STXBP5L: variants seen among roughly 807,000 people sequenced by gnomAD.
The protein encoded by STXBP5L is syntaxin-binding protein 5-like.
STXBP5L carries 65 observed loss-of-function variants against 144.5 expected under a neutral mutation model. The observed-to-expected ratio is 0.45, with a 90% confidence interval of 0.37 to 0.55. The LOEUF (loss-of-function observed/expected upper bound fraction) is 0.55, where lower values mean the gene tolerates loss of function less well. STXBP5L is among the 20% of genes least tolerant of loss of function. The pLI is 0.00. For synonymous variants in STXBP5L, 505 were observed against 469.6 expected (o/e 1.08, Z -0.97); for missense variants, 1,298 against 1,405.5 (o/e 0.92, Z 1.22).
intron 3 of STXBP5L, among the ~76,000 whole-genome samples, chr3:120,982,194 G>A (rs761025702): frequency 3.9e-5 from 6 of 152,162 alleles, no homozygotes; most frequent in African/African-American, 1.4e-4. Context: ...AGATGGGTAT[G>A]GGCTTGATCT....
chr3:120,924,393 A>C (rs908860798), intron 2 of STXBP5L, among the ~76,000 whole-genome samples: 3 of 152,190 alleles, frequency 2.0e-5, no homozygotes, highest in African/African-American at 7.2e-5. Flanking sequence ...AACTGCAATA[A>C]TAGAAATGAA....
chr3:121,257,864 G>T (rs189164492), intron 17 of STXBP5L, among the ~76,000 whole-genome samples: 95 of 152,268 alleles, frequency 6.2e-4, no homozygotes, highest in Non-Finnish European at 4.1e-4. Context: ...GTTTAAAGTT[G>T]CAGTGAGCTA....
At chr3:121,049,157 A>G (rs969266962) in intron 5 of STXBP5L, among the ~76,000 whole-genome samples, 1 of 152,082 alleles carries the variant, frequency 6.6e-6, no homozygotes, top group African/African-American at 2.4e-5. Context: ...CCATGTAGAA[A>G]ACAGTCTGCT....
chr3:120,994,376 A>C (rs887696155), intron 3 of STXBP5L, among the ~76,000 whole-genome samples: 1 of 152,020 alleles, frequency 6.6e-6, no homozygotes, highest in African/African-American at 2.4e-5. Flanking sequence ...GTGTCTTAGA[A>C]AAAAGGCTGT....
At chr3:120,938,508 G>C (rs567324062) in intron 2 of STXBP5L, among the ~76,000 whole-genome samples, 223 of 152,184 alleles carry the variant, frequency 1.5e-3, no homozygotes, top group Non-Finnish European at 2.5e-3. Context: ...CCACTGAAAG[G>C]TTGTACAGGT....
chr3:121,067,755 G>A (rs1041324494), intron 5 of STXBP5L, among the ~76,000 whole-genome samples: 5 of 152,076 alleles, frequency 3.3e-5, no homozygotes, highest in Admixed American at 6.6e-5. Flanking sequence ...CTTTTTAGTA[G>A]TGATGACTTA....
In STXBP5L at chr3:120,941,572, T is replaced by A. The variant is rs571471444; in HGVS notation, c.190-13368T>A. 2.0e-5 allele frequency among the ~76,000 whole-genome samples: 3 copies of A among 151,910 alleles called. No individual in the cohort carries two copies. In the South Asian group the frequency reaches 6.2e-4, roughly 31 times the overall value. On this transcript the variant is annotated intron_variant, in intron 2 of 26. Coordinates refer to ENST00000471454, the MANE Select transcript of STXBP5L (RefSeq NM_001308330.2). The stretch of plus-strand genomic sequence containing the variant: ...TCTGAATACAGAGATAATTATATAT[T>A]GATTTAAACATTATTCTAGATAAGG...
chr3:121,014,973 C>G (rs1205502891), intron 3 of STXBP5L, among the ~76,000 whole-genome samples: 1 of 151,966 alleles, frequency 6.6e-6, no homozygotes, highest in Non-Finnish European at 1.5e-5. Context: ...TTCAAGACCT[C>G]TATACTGAAA....
chr3:121,419,083 T>C lies in STXBP5L; in HGVS notation c.3475T>C (p.Trp1159Arg). 3 of 1,611,194 alleles carry C rather than the reference T, an allele frequency of 1.9e-6. No individual in the cohort carries two copies. In the South Asian group the frequency reaches 3.3e-5, roughly 18 times the overall value. ...AATGCTGAAATACAAGGATAAGAAA[T>C]GGTACCAATTCTGACTTCTAAAGAA... is the stretch of plus-strand genomic sequence containing the variant. The part of the protein sequence containing the change: ...ELMLKYKDKK[W>R]YQF Residue 1159 changes from tryptophan to arginine, a missense_variant, in exon 27 of 27, where the codon TGG becomes CGG. Coordinates refer to ENST00000471454, the MANE Select transcript of STXBP5L (RefSeq NM_001308330.2).
At chr3:121,045,724 C>T (rs1055121247) in intron 5 of STXBP5L, among the ~76,000 whole-genome samples, 189 bp downstream of exon 5, 3 of 152,094 alleles carry the variant, frequency 2.0e-5, no homozygotes, top group African/African-American at 4.8e-5. Context: ...CAGTCACCTA[C>T]TAATGCAGTG....
chr3:120,999,476 C>T (rs531787370), intron 3 of STXBP5L, among the ~76,000 whole-genome samples: 19 of 152,286 alleles, frequency 1.2e-4, no homozygotes, highest in South Asian at 1.2e-3. Flanking sequence ...TTACACGTGA[C>T]ATTGGTCTCT....
chr3:121,087,357 G>T (rs1270193155), intron 5 of STXBP5L, among the ~76,000 whole-genome samples: 2 of 151,984 alleles, frequency 1.3e-5, no homozygotes, highest in Non-Finnish European at 2.9e-5. Context: ...GTATTTTGCA[G>T]CCTGTTTGGT....
intron 6 of STXBP5L, among the ~76,000 whole-genome samples, chr3:121,116,708 A>C (rs551792484): frequency 1.3e-5 from 2 of 152,134 alleles, no homozygotes; most frequent in Admixed American, 1.3e-4. Flanking sequence ...CATTAATCCT[A>C]TAAATAATTA....
intron 9 of STXBP5L, among the ~76,000 whole-genome samples, chr3:121,189,682 T>C (rs1452648574): frequency 6.6e-6 from 1 of 152,212 alleles, no homozygotes; most frequent in Non-Finnish European, 1.5e-5. Flanking sequence ...TTCTTTTGAC[T>C]TCAGAATGTC....
At chr3:121,205,096 A>G (rs1221031054) in intron 9 of STXBP5L, among the ~76,000 whole-genome samples, 2 of 152,210 alleles carry the variant, frequency 1.3e-5, no homozygotes, top group African/African-American at 4.8e-5. Context: ...TCTCTGTATG[A>G]AAGGAGTTTG....
chr3:121,273,537 T>G (rs1191504082), intron 18 of STXBP5L, among the ~76,000 whole-genome samples: 1 of 152,076 alleles, frequency 6.6e-6, no homozygotes, highest in African/African-American at 2.4e-5. Context: ...AATCTGGATA[T>G]GTATATTTCT....
intron 3 of STXBP5L, among the ~76,000 whole-genome samples, chr3:121,009,680 G>A (rs1405671106): frequency 6.6e-6 from 1 of 151,874 alleles, no homozygotes; most frequent in African/African-American, 2.4e-5. Flanking sequence ...GGTGAAATGG[G>A]GATCTGAGTC....
chr3:121,304,247 C>T (rs1287762775), intron 19 of STXBP5L, among the ~76,000 whole-genome samples: 6 of 152,088 alleles, frequency 3.9e-5, no homozygotes, highest in Admixed American at 3.9e-4. Context: ...GAAGCAAAAA[C>T]TGTCAAAACT....
intron 3 of STXBP5L, among the ~76,000 whole-genome samples, chr3:121,024,837 A>G (rs910085847): frequency 1.3e-5 from 2 of 152,196 alleles, no homozygotes; most frequent in African/African-American, 4.8e-5. Flanking sequence ...AAAATAGTGC[A>G]TAAAGCTTGA....
Sources: gnomAD v4.1 joint callset for allele counts (sites outside exome capture counted in the v4.1 genomes callset) on GRCh38, gnomAD v4.1.1 for gene constraint, MANE v1.5 for transcripts, NCBI Gene and HGNC (gene_info 2026-07-23, HGNC 2026-07-21) for gene names.